SIM1: variants seen among roughly 807,000 people sequenced by gnomAD.
SIM1 encodes single-minded homolog 1.
Under a neutral mutation model 78.2 loss-of-function variants are expected in SIM1, and 18 were observed. The observed-to-expected ratio is 0.23, with a 90% CI of 0.16 to 0.34. The LOEUF is 0.34. SIM1 is among the 10% of genes least tolerant of loss of function. The pLI, the probability that SIM1 is intolerant of heterozygous loss-of-function variation, is 1.00. For synonymous variants in SIM1, 417 were observed against 385.2 expected (o/e 1.08, Z -0.97); for missense variants, 939 against 975.1 (o/e 0.96, Z 0.49).
At chr6:100,415,154 C>T (rs961280035) in intron 10 of SIM1, among the ~76,000 whole-genome samples, 1 of 152,056 alleles carries the variant, frequency 6.6e-6, no homozygotes, top group Non-Finnish European at 1.5e-5. Context: ...TACAAACATG[C>T]CAGTGAGAAG....
chr6:100,401,642 C>A (rs576762981), intron 10 of SIM1, among the ~76,000 whole-genome samples: 30 of 151,972 alleles, frequency 2.0e-4, no homozygotes, highest in Non-Finnish European at 3.8e-4. Flanking sequence ...GTGGCAAATG[C>A]TAAGCACTGG....
chr6:100,458,002 CTCTT>C (rs1404045997), intron 2 of SIM1, among the ~76,000 whole-genome samples: 18 of 93,384 alleles, frequency 1.9e-4, no homozygotes, highest in African/African-American at 3.2e-4. Context: ...GTCTGTCTCT[CTCTT>C]TCTCTCTCTC....
rs146615239 is a variant in SIM1, at chr6:100,440,178, T to G, written c.998+7090A>C. On this transcript the variant is annotated intron_variant, in intron 9 of 11. Coordinates refer to ENST00000369208, the MANE Select transcript of SIM1 (RefSeq NM_005068.3). ...TACTGTGCTATATTCTCTCTCTATA[T>G]TATATCATTTAATCCTCCATAAATC... Among the ~76,000 whole-genome samples the G allele has an allele frequency of 2.5e-3, 377 of 152,276 alleles. 1 individual carries two copies. The highest frequency in any genetic ancestry group is 3.9e-3 in the Non-Finnish European group (263 of 68,020).
At chr6:100,444,394 G>A (rs1254143882) in intron 9 of SIM1, among the ~76,000 whole-genome samples, 1 of 152,106 alleles carries the variant, frequency 6.6e-6, no homozygotes, top group African/African-American at 2.4e-5. Flanking sequence ...TTTTAAATGT[G>A]TAAAGCTAAC....
intron 9 of SIM1, among the ~76,000 whole-genome samples, chr6:100,423,416 A>G (rs1262911913): frequency 1.3e-5 from 2 of 152,172 alleles, no homozygotes; most frequent in Non-Finnish European, 1.5e-5. Context: ...GGAGACATCA[A>G]TGAGCACAAG....
At position 100,385,402 on chromosome 6, in the gene SIM1, A is replaced by T. The variant is rs934521918; in HGVS notation, c.*4959T>A. The T allele has an allele frequency of 2.0e-5, 3 of 152,014 alleles. No homozygotes were observed. Among genetic ancestry groups the T allele is most frequent in the Non-Finnish European group, 4.4e-5 (3 of 67,944 alleles). The allele number at this position is 152,014 out of a possible 1,614,324, so 9.4% of individuals were successfully genotyped here. ...TGAAATATTTCCCTTCGGAAAAAAA[A>T]AGAAAAAAGACTTACAGTACTTCCA... On this transcript the variant is annotated 3_prime_UTR_variant, in exon 12 of 12. Coordinates refer to ENST00000369208, the MANE Select transcript of SIM1 (RefSeq NM_005068.3).
At chr6:100,404,099 G>A (rs933084191) in intron 10 of SIM1, among the ~76,000 whole-genome samples, 11 of 152,070 alleles carry the variant, frequency 7.2e-5, no homozygotes, top group Admixed American at 3.9e-4. Flanking sequence ...TCTACACCCC[G>A]TAAACCACCT....
intron 10 of SIM1, among the ~76,000 whole-genome samples, chr6:100,407,174 T>C (rs188485279): frequency 2.6e-5 from 4 of 152,258 alleles, no homozygotes; most frequent in Admixed American, 2.0e-4. Context: ...ATTGTATATA[T>C]ATACTTTTTA....
In SIM1 at chr6:100,393,580, G is replaced by C. The variant is rs902020250; in HGVS notation, c.1477C>G (p.Arg493Gly). The C allele has an allele frequency of 6.2e-7, 1 of 1,613,492 alleles. No individual in the cohort carries two copies. Among genetic ancestry groups the C allele is most frequent in the Non-Finnish European group, 8.5e-7 (1 of 1,179,496 alleles). ...QAGREPWWGSRAALPLTKASP... is the reference protein window; with the variant it reads ...QAGREPWWGSGAALPLTKASP... ...GCCTTTGTCAGGGGCAAGGCTGCGC[G>C]AGAGCCCCACCAGGGCTCCCTCCCG... The change falls in exon 11 of 12, where the codon CGC becomes GGC. Residue 493 changes from arginine to glycine, a missense_variant. By Grantham distance (125) the Arg-to-Gly change is moderately radical. Around this residue, in one of 5 missense-constraint regions of SIM1, gnomAD observed 556 missense variants for 521.9 expected, o/e 1.07. Transcript: ENST00000369208.
chr6:100,443,902 G>T (rs1449972471), intron 9 of SIM1, among the ~76,000 whole-genome samples: 5 of 152,130 alleles, frequency 3.3e-5, no homozygotes, highest in African/African-American at 1.2e-4. Flanking sequence ...TGTGAATATG[G>T]ATATTCATTT....
At chr6:100,400,527 A>G (rs1270065977) in intron 10 of SIM1, among the ~76,000 whole-genome samples, 1 of 152,152 alleles carries the variant, frequency 6.6e-6, no homozygotes, top group Non-Finnish European at 1.5e-5. Context: ...ACATAAATTA[A>G]ATACAGAATT....
chr6:100,437,738 A>G (rs1772093655), intron 9 of SIM1, among the ~76,000 whole-genome samples: 1 of 152,230 alleles, frequency 6.6e-6, no homozygotes, highest in African/African-American at 2.4e-5. Context: ...CTTCCTTTAG[A>G]GTATCAATGA....
intron 9 of SIM1, among the ~76,000 whole-genome samples, chr6:100,423,015 T>C (rs1285483558): frequency 6.6e-6 from 1 of 152,208 alleles, no homozygotes; most frequent in African/African-American, 2.4e-5. Flanking sequence ...AAAAATGTTC[T>C]TCTACATAAG....
rs548021553 is a variant in SIM1 at position 100,422,388 on chromosome 6, G to C, written c.999-1430C>G. On this transcript the variant is annotated intron_variant, in intron 9 of 11. Transcript: ENST00000369208. The stretch of plus-strand genomic sequence containing the variant: ...CTGGCTAATTTTTGTATTTTTAGTA[G>C]AGACAGGGGTTTGCCATGTTGGCCA... Among the ~76,000 whole-genome samples the C allele has an allele frequency of 2.6e-4, 39 of 152,166 alleles. No individual in the cohort carries two copies. In the East Asian group the frequency reaches 6.2e-3, roughly 24 times the overall value.
At position 100,388,074 on chromosome 6, in the gene SIM1, G is replaced by A. The variant is rs756198714; in HGVS notation, c.*2287C>T. 3.9e-5 allele frequency: 6 copies of A among 152,058 alleles called. No homozygotes were observed. Among genetic ancestry groups the A allele is most frequent in the Admixed American group, 6.6e-5 (1 of 15,264 alleles). 9.4% of individuals were successfully genotyped at this position (152,058 alleles called of 1,614,324 possible). A position where few individuals can be genotyped will look rare whatever the true frequency, so the allele number is the denominator to read the frequency against. On this transcript the variant is annotated 3_prime_UTR_variant, in exon 12 of 12. Transcript: ENST00000369208. ...AAGACATTACTTCATGTTGCAAATT[G>A]ATCAAAACTCCATTTTATGTATTCC...
chr6:100,447,180 T>C (rs1772377360), intron 9 of SIM1, 88 bp downstream of exon 9: 2 of 1,490,498 alleles, frequency 1.3e-6, no homozygotes. Context: ...GGCCCGAGCC[T>C]TGTCTAACCC....
intron 3 of SIM1, among the ~76,000 whole-genome samples, chr6:100,452,200 C>G (rs1261691117): frequency 6.6e-6 from 1 of 152,002 alleles, no homozygotes; most frequent in Non-Finnish European, 1.5e-5. Flanking sequence ...AGTCTTAGTC[C>G]AAATGTCACC....
At chr6:100,460,575 T>C (rs1161442202) in intron 2 of SIM1, among the ~76,000 whole-genome samples, 1 of 152,234 alleles carries the variant, frequency 6.6e-6, no homozygotes, top group African/African-American at 2.4e-5. Flanking sequence ...TACTATGTAC[T>C]AGGGTGGCTT....
Position 100,420,974 on chromosome 6 carries a change from A to G in SIM1, c.999-16T>C, listed in dbSNP as rs1771564480. The stretch of plus-strand genomic sequence containing the variant: ...TTCTGTGTCTCTGCAGGGTGGGAGG[A>G]CAAAGCCCTTAATCAGCCACCATAG... On this transcript the variant is annotated splice_polypyrimidine_tract_variant and intron_variant, in intron 9 of 11. Coordinates refer to ENST00000369208, the MANE Select transcript of SIM1 (RefSeq NM_005068.3). The G allele has an allele frequency of 6.2e-7, 1 of 1,609,740 alleles. No homozygotes were observed. Among genetic ancestry groups the G allele is most frequent in the African/African-American group, 1.3e-5 (1 of 74,840 alleles).
Sources: gnomAD v4.1 joint callset for allele counts (sites outside exome capture counted in the v4.1 genomes callset) on GRCh38, gnomAD v4.1.1 for gene constraint, gnomAD v4.1.1 regional missense constraint, MANE v1.5 for transcripts, NCBI Gene and HGNC (gene_info 2026-07-23, HGNC 2026-07-21) for gene names.